The following ADAMDEC1 variants were observed in gnomAD, a reference collection of about 807,000 sequenced individuals.
ADAMDEC1 encodes the protein ADAM like decysin 1.
A neutral mutation model predicts 60.4 loss-of-function variants in ADAMDEC1; 62 were observed. The ratio of observed to expected loss-of-function variants is 1.03; its 90% confidence interval spans 0.84 to 1.27. The LOEUF (loss-of-function observed/expected upper bound fraction) is 1.27. Ranked by LOEUF, ADAMDEC1 falls within the 50% of genes most tolerant of loss-of-function variation. The pLI is 0.00. For synonymous variants in ADAMDEC1, 210 were observed against 195.1 expected (o/e 1.08, Z -0.64); for missense variants, 595 against 565.0 (o/e 1.05, Z -0.54).
chr8:24,400,794 C>G (rs1316531943), intron 11 of ADAMDEC1, among the ~76,000 whole-genome samples: 2 of 125,286 alleles, frequency 1.6e-5, no homozygotes, highest in South Asian at 3.2e-4. Context: ...CCCCTCCCCC[C>G]ACCCACAACA....
intron 11 of ADAMDEC1, among the ~76,000 whole-genome samples, chr8:24,400,643 A>G (rs1416806365): frequency 1.3e-5 from 2 of 151,088 alleles, no homozygotes; most frequent in Admixed American, 1.3e-4. Flanking sequence ...ATATATATAT[A>G]TATATATATT....
At chr8:24,396,306 T>G (rs1465081929) in intron 5 of ADAMDEC1, among the ~76,000 whole-genome samples, 1 of 151,964 alleles carries the variant, frequency 6.6e-6, no homozygotes, top group East Asian at 1.9e-4. Context: ...GTCAGAAGAT[T>G]GAGACCATCC....
rs780464070 is a variant in ADAMDEC1 at position 24,393,246 on chromosome 8, A to G, written c.208-16A>G. On this transcript the variant is annotated splice_polypyrimidine_tract_variant and intron_variant, in intron 2 of 13. Transcript: ENST00000256412. ...CTCAGAAATATAAATTGCTTGATGT[A>G]ATTAAATGTTTTCAGGAAAGGTATG... 53 of 1,500,056 alleles carry G rather than the reference A, an allele frequency of 3.5e-5. No individual in the cohort carries two copies. Among genetic ancestry groups the G allele is most frequent in the Non-Finnish European group, 4.6e-5 (50 of 1,091,030 alleles). The allele number at this position is 1,500,056 out of a possible 1,614,324, so 92.9% of individuals were successfully genotyped here.
Position 24,384,332 on chromosome 8 carries a change from A to C in ADAMDEC1, c.-173A>C. The C allele has an allele frequency of 1.7e-6, 1 of 585,496 alleles. No homozygotes were observed. The highest frequency in any genetic ancestry group is 3.0e-6 in the Non-Finnish European group (1 of 334,438). 36.3% of individuals were successfully genotyped at this position (585,496 alleles called of 1,614,324 possible). A position where few individuals can be genotyped will look rare whatever the true frequency, so the allele number is the denominator to read the frequency against. ...ATAACCACAGCCATAAATATCTCTC[A>C]AAGATGAGGAACATTCTCATGATGT... On this transcript the variant is annotated 5_prime_UTR_variant, in exon 1 of 14. Coordinates refer to ENST00000256412, the MANE Select transcript of ADAMDEC1 (RefSeq NM_014479.3).
intron 13 of ADAMDEC1, 149 bp from the exon 14 acceptor site, chr8:24,405,143 A>T: frequency 1.3e-6 from 1 of 794,654 alleles, no homozygotes; most frequent in Non-Finnish European, 1.9e-6. Flanking sequence ...TTTTTCACTC[A>T]TGAAATACAG....
rs116111354 is a variant in ADAMDEC1, at chr8:24,405,722, T to A, written c.*424T>A. The A allele has an allele frequency of 0.01, 1,611 of 157,990 alleles. 27 individuals carry two copies. The highest frequency in any genetic ancestry group is 0.037 in the African/African-American group (1,540 of 41,810). The allele number at this position is 157,990 out of a possible 1,614,324, so 9.8% of individuals were successfully genotyped here. ...CTATAAAAAAAATAATACCACTTGATGGGTGAAGGCTTTGGCAATAGAAAG... is the reference window on the plus strand; with the variant it reads ...CTATAAAAAAAATAATACCACTTGAAGGGTGAAGGCTTTGGCAATAGAAAG... On this transcript the variant is annotated 3_prime_UTR_variant, in exon 14 of 14. Coordinates refer to ENST00000256412, the MANE Select transcript of ADAMDEC1 (RefSeq NM_014479.3).
At position 24,400,200 on chromosome 8, in the gene ADAMDEC1, G is replaced by C; in HGVS notation, c.1042G>C (p.Gly348Arg). 1.2e-6 allele frequency: 2 copies of C among 1,604,222 alleles called. No homozygotes were observed. Among genetic ancestry groups the C allele is most frequent in the South Asian group, 2.3e-5 (2 of 88,588 alleles). ...AAAAAAGAATAATGTGGCTCTTGTAGGAGTGATGTCACATGAGCTGGGCCA... is the reference window on the plus strand; with the variant it reads ...AAAAAAGAATAATGTGGCTCTTGTACGAGTGATGTCACATGAGCTGGGCCA... ...AKKKNNVALV[G>R]VMSHELGHVL... Residue 348 changes from glycine to arginine, a missense_variant, in exon 11 of 14, where the codon GGA becomes CGA. Transcript: ENST00000256412.
intron 4 of ADAMDEC1, 52 bp downstream of exon 4, chr8:24,394,199 T>C: frequency 7.0e-7 from 1 of 1,420,072 alleles, no homozygotes. Context: ...TGTTATTAGT[T>C]TGTGCTAATG....
intron 4 of ADAMDEC1, among the ~76,000 whole-genome samples, chr8:24,395,254 T>C (rs1021269741): frequency 2.0e-5 from 3 of 152,238 alleles, no homozygotes; most frequent in East Asian, 1.9e-4. Context: ...GAAAAATAGA[T>C]GTCTCATTTT....
intron 4 of ADAMDEC1, among the ~76,000 whole-genome samples, chr8:24,394,617 ATCAT>A (rs1306255921): frequency 6.6e-6 from 1 of 152,190 alleles, no homozygotes; most frequent in African/African-American, 2.4e-5. Flanking sequence ...GACATTAAGA[ATCAT>A]GGCATAGAAT....
At chr8:24,401,838 CT>C (rs1203826957) in intron 11 of ADAMDEC1, 76 bp from the exon 12 acceptor site, 3 of 1,234,888 alleles carry the variant, frequency 2.4e-6, no homozygotes, top group Non-Finnish European at 3.3e-6. Context: ...TCTCGTGTTT[CT>C]TTATCTTTAT....
At chr8:24,402,491 A>C (rs2129362692) in intron 12 of ADAMDEC1, among the ~76,000 whole-genome samples, 1 of 152,276 alleles carries the variant, frequency 6.6e-6, no homozygotes, top group East Asian at 1.9e-4. Context: ...TGTATAAACC[A>C]GGTTGTAAAC....
rs1486821675 is a variant in ADAMDEC1 at position 24,397,333 on chromosome 8, A to G, written c.504A>G (p.Lys168=). The change falls in exon 6 of 14, where the codon AAA becomes AAG. Residue 168 remains lysine, a synonymous_variant. Coordinates refer to ENST00000256412, the MANE Select transcript of ADAMDEC1 (RefSeq NM_014479.3). ...AACCTCTGAAAAGCACAGACGAGAA[A>G]GAACATGCCGTCTTTACATCTAACC... is the stretch of plus-strand genomic sequence containing the variant. ...QIKPLKSTDE[K]EHAVFTSNQE... The G allele has an allele frequency of 1.2e-6, 2 of 1,614,102 alleles. No homozygotes were observed. Among genetic ancestry groups the G allele is most frequent in the Non-Finnish European group, 1.7e-6 (2 of 1,179,978 alleles).
chr8:24,399,425 T>C lies in ADAMDEC1; in HGVS notation c.962T>C (p.Leu321Pro). The C allele has an allele frequency of 6.2e-7, 1 of 1,614,020 alleles. No individual in the cohort carries two copies. The change falls in exon 10 of 14, where the codon CTG (leucine) becomes CCG (proline). Residue 321 changes from leucine to proline, a missense_variant. Transcript: ENST00000256412. Reference protein sequence around the residue: ...GISFNNRRVGLAASNSLCSPS... With the variant: ...GISFNNRRVGPAASNSLCSPS... ...AGCTTCAACAATCGACGTGTGGGAC[T>C]GGCAGCTTCAAATTCCTTGTGTTCC...
At chr8:24,394,578 C>G (rs1817556622) in intron 4 of ADAMDEC1, among the ~76,000 whole-genome samples, 1 of 152,062 alleles carries the variant, frequency 6.6e-6, no homozygotes, top group African/African-American at 2.4e-5. Context: ...AAATCATCAT[C>G]CCGTAGACAA....
At chr8:24,399,139 T>G in intron 9 of ADAMDEC1, 99 bp downstream of exon 9, 1 of 1,356,344 alleles carries the variant, frequency 7.4e-7, no homozygotes, top group Non-Finnish European at 1.0e-6. Flanking sequence ...CCTGATCAAC[T>G]GTCAGAGTGC....
intron 12 of ADAMDEC1, 69 bp downstream of exon 12, chr8:24,402,161 T>C (rs1817782276): frequency 1.9e-5 from 26 of 1,381,468 alleles, no homozygotes; most frequent in Non-Finnish European, 2.5e-5. Context: ...AATATTCTTT[T>C]GGAAATTCTT....
Position 24,393,344 on chromosome 8 carries a change from T to A in ADAMDEC1, c.284+6T>A, listed in dbSNP as rs1440993483. On this transcript the variant is annotated splice_donor_region_variant and intron_variant, in intron 3 of 13. Transcript: ENST00000256412. Reference sequence around the variant, plus strand: ...CTCTCCCTACAAAAAACCAAGTAAGTTGTACCTCCTAAAAGTCTAATCACT... The same window carrying A: ...CTCTCCCTACAAAAAACCAAGTAAGATGTACCTCCTAAAAGTCTAATCACT... 1 of 1,568,232 alleles carries A rather than the reference T, an allele frequency of 6.4e-7. No individual in the cohort carries two copies. The highest frequency in any genetic ancestry group is 2.3e-5 in the East Asian group (1 of 44,084).
intron 11 of ADAMDEC1, 25 bp downstream of exon 11, chr8:24,400,325 A>G (rs758658062): frequency 1.3e-6 from 2 of 1,573,392 alleles, no homozygotes; most frequent in South Asian, 2.4e-5. Context: ...TCCTAAAAGG[A>G]GAGAGATATT....
Sources: gnomAD v4.1 joint callset for allele counts (sites outside exome capture counted in the v4.1 genomes callset) on GRCh38, gnomAD v4.1.1 for gene constraint, MANE v1.5 for transcripts, NCBI Gene and HGNC (gene_info 2026-07-23, HGNC 2026-07-21) for gene names.